NEK1: variants seen among roughly 807,000 people sequenced by gnomAD.
The protein encoded by NEK1 is serine/threonine-protein kinase Nek1.
NEK1 carries 137 observed loss-of-function variants against 182.1 expected under a neutral mutation model. The observed-to-expected ratio is 0.75, with a 90% CI of 0.65 to 0.87. The LOEUF is 0.87. NEK1 is among the 40% of genes least tolerant of loss of function. The pLI is 0.00. For missense variants in NEK1, 1,391 were observed against 1,494.4 expected (o/e 0.93, Z 1.14); for synonymous variants, 513 against 492.2 (o/e 1.04, Z -0.56).
At chr4:169,547,889 C>G (rs764982657) in intron 18 of NEK1, among the ~76,000 whole-genome samples, 2 of 152,160 alleles carry the variant, frequency 1.3e-5, no homozygotes, top group Non-Finnish European at 2.9e-5. Flanking sequence ...TCTCAAGGTT[C>G]TTAGCTTCCT....
intron 23 of NEK1, among the ~76,000 whole-genome samples, chr4:169,501,306 G>T (rs1032365437): frequency 6.6e-6 from 1 of 151,960 alleles, no homozygotes; most frequent in Non-Finnish European, 1.5e-5. Flanking sequence ...TACAATAATA[G>T]TGGACACTTT....
chr4:169,426,940 AG>A (rs1736502357), intron 29 of NEK1, among the ~76,000 whole-genome samples: 1 of 152,186 alleles, frequency 6.6e-6, no homozygotes, highest in African/African-American at 2.4e-5. Context: ...AAAATAAAAA[AG>A]AACTCACAAT....
At chr4:169,422,270 T>C (rs1274212193) in intron 31 of NEK1, among the ~76,000 whole-genome samples, 2 of 152,192 alleles carry the variant, frequency 1.3e-5, no homozygotes, top group Non-Finnish European at 2.9e-5. Context: ...AGATGCTTGG[T>C]TGCAAAAGGG....
intron 12 of NEK1, among the ~76,000 whole-genome samples, 160 bp from the exon 13 acceptor site, chr4:169,562,356 A>G (rs533444310): frequency 5.3e-5 from 8 of 152,118 alleles, no homozygotes; most frequent in African/African-American, 1.9e-4. Flanking sequence ...GTAGTCTTTG[A>G]TATGCTGTTA....
intron 4 of NEK1, among the ~76,000 whole-genome samples, chr4:169,600,794 C>A (rs1770361353): frequency 6.6e-6 from 1 of 152,120 alleles, no homozygotes; most frequent in Non-Finnish European, 1.5e-5. Flanking sequence ...ACTATGCTAT[C>A]ATTTATGTTT....
intron 31 of NEK1, among the ~76,000 whole-genome samples, chr4:169,424,144 C>G (rs1243967514): frequency 6.6e-6 from 1 of 152,066 alleles, no homozygotes; most frequent in Non-Finnish European, 1.5e-5. Flanking sequence ...GTCCGAAAAA[C>G]TTCTACCAGA....
Position 169,508,281 on chromosome 4 carries a change from G to A in NEK1, c.1800C>T (p.Arg600=), listed in dbSNP as rs918015857. The change falls in exon 21 of 36, where the codon CGC becomes CGT. Residue 600 remains arginine, a synonymous_variant. Transcript: ENST00000507142. ...RQIRLQNFNE[R]QQIKAKLRGE... is the part of the protein sequence containing the mutation. ...CACGAAGTTTGGCTTTAATCTGTTGGCGCTCATTGAAATTCTGTAGTCTTA... is the reference window on the plus strand; with the variant it reads ...CACGAAGTTTGGCTTTAATCTGTTGACGCTCATTGAAATTCTGTAGTCTTA... The A allele has an allele frequency of 1.3e-6, 2 of 1,594,844 alleles. No individual in the cohort carries two copies. Among genetic ancestry groups the A allele is most frequent in the Admixed American group, 1.8e-5 (1 of 56,776 alleles).
Position 169,479,476 on chromosome 4 carries a change from G to A in NEK1, c.2066C>T (p.Thr689Ile). Residue 689 changes from threonine (T) to isoleucine (I), a missense_variant, in exon 24 of 36, where the codon ACA (threonine) becomes ATA (isoleucine). Transcript: ENST00000507142. ...CTGTTGCTTTGATGGAGAGCCACCTGTTTCATGCTGTCCCAAAGGTGGAGA... is the reference window on the plus strand; with the variant it reads ...CTGTTGCTTTGATGGAGAGCCACCTATTTCATGCTGTCCCAAAGGTGGAGA... Reference protein sequence around the residue: ...DVSPPLGQHETGGSPSKQQMR... With the variant: ...DVSPPLGQHEIGGSPSKQQMR... 1.2e-6 allele frequency: 2 copies of A among 1,611,618 alleles called. No individual in the cohort carries two copies. The highest frequency in any genetic ancestry group is 1.7e-6 in the Non-Finnish European group (2 of 1,178,732).
Position 169,580,916 on chromosome 4 carries a change from A to G in NEK1, c.808-14T>C. ...TTCTGCAATAAGCTGAGATTGAAAG[A>G]GAAAAAAATTAGAAAAGATGTTACA... On this transcript the variant is annotated splice_polypyrimidine_tract_variant and intron_variant, in intron 10 of 35. Transcript: ENST00000507142. 1.4e-6 allele frequency: 2 copies of G among 1,440,448 alleles called. No homozygotes were observed. Among genetic ancestry groups the G allele is most frequent in the Non-Finnish European group, 1.9e-6 (2 of 1,062,976 alleles). The allele number at this position is 1,440,448 out of a possible 1,614,324, so 89.2% of individuals were successfully genotyped here.
intron 23 of NEK1, among the ~76,000 whole-genome samples, chr4:169,479,807 C>T (rs887233113): frequency 6.6e-6 from 1 of 152,032 alleles, no homozygotes; most frequent in African/African-American, 2.4e-5. Context: ...ATGAAATGAT[C>T]CTGAAAAACT....
At position 169,577,040 on chromosome 4, in the gene NEK1, A is replaced by C; in HGVS notation, c.908T>G (p.Met303Arg). Residue 303 changes from methionine to arginine, a missense_variant, in exon 12 of 36, where the codon ATG becomes AGG. Around this residue, in one of 5 missense-constraint regions of NEK1, gnomAD observed 1,216 missense variants for 1,277.6 expected, o/e 0.95. Coordinates refer to ENST00000507142, the MANE Select transcript of NEK1 (RefSeq NM_001199397.3). ...AGGCTTTGTAATTTTCTGAGCAGGC[A>C]TAACAGAAATCGAGTTTTGTCCTGA... Reference protein sequence around the residue: ...PASGQNSISVMPAQKITKPAA... With the variant: ...PASGQNSISVRPAQKITKPAA... 1 of 1,613,732 alleles carries C rather than the reference A, an allele frequency of 6.2e-7. No individual in the cohort carries two copies. Among genetic ancestry groups the C allele is most frequent in the Non-Finnish European group, 8.5e-7 (1 of 1,179,754 alleles).
At chr4:169,579,705 C>T (rs577105148) in intron 11 of NEK1, among the ~76,000 whole-genome samples, 71 of 151,672 alleles carry the variant, frequency 4.7e-4, no homozygotes, top group African/African-American at 1.7e-3. Context: ...AGGTGAATCC[C>T]TTGAACCCGG....
In NEK1 at chr4:169,463,400, A is replaced by G; in HGVS notation, c.2435-5T>C. 1.3e-6 allele frequency: 2 copies of G among 1,588,234 alleles called. No individual in the cohort carries two copies. Among genetic ancestry groups the G allele is most frequent in the Non-Finnish European group, 1.7e-6 (2 of 1,165,482 alleles). The stretch of plus-strand genomic sequence containing the variant: ...TAACTTCTCCCACTGTATGTCCTAT[A>G]AGAAAAATATACAAAGAAACAATTT... On this transcript the variant is annotated splice_region_variant and splice_polypyrimidine_tract_variant and intron_variant, in intron 26 of 35. Coordinates refer to ENST00000507142, the MANE Select transcript of NEK1 (RefSeq NM_001199397.3).
intron 31 of NEK1, among the ~76,000 whole-genome samples, chr4:169,412,072 TTTG>T (rs1396607238): frequency 6.6e-6 from 1 of 152,230 alleles, no homozygotes; most frequent in Non-Finnish European, 1.5e-5. Context: ...GCAGAGGATT[TTTG>T]TCTGTTTTCC....
chr4:169,496,871 T>C (rs1254476052), intron 23 of NEK1, among the ~76,000 whole-genome samples: 1 of 152,176 alleles, frequency 6.6e-6, no homozygotes, highest in Non-Finnish European at 1.5e-5. Context: ...TTCTCTTTTT[T>C]TGTTGTGTCT....
intron 31 of NEK1, among the ~76,000 whole-genome samples, chr4:169,413,453 C>G (rs1282064980): frequency 6.6e-6 from 1 of 152,090 alleles, no homozygotes; most frequent in Non-Finnish European, 1.5e-5. Flanking sequence ...AAATTTTATG[C>G]CACATTCCTC....
At position 169,399,735 on chromosome 4, in the gene NEK1, C is replaced by T. The variant is rs554538100; in HGVS notation, c.3847+490G>A. On this transcript the variant is annotated intron_variant, in intron 35 of 35. Coordinates refer to ENST00000507142, the MANE Select transcript of NEK1 (RefSeq NM_001199397.3). Reference sequence around the variant, plus strand: ...TCCTGGGCTCAAGCAATCCTCCCACCTCAGTCCCCTGAGTAGCTGGGACTA... The same window carrying T: ...TCCTGGGCTCAAGCAATCCTCCCACTTCAGTCCCCTGAGTAGCTGGGACTA... Among the ~76,000 whole-genome samples the T allele has an allele frequency of 3.0e-4, 46 of 152,206 alleles. 1 individual carries two copies. The highest frequency in any genetic ancestry group is 2.7e-3 in the Admixed American group (41 of 15,280).
At chr4:169,456,217 G>A (rs1202083331) in intron 27 of NEK1, among the ~76,000 whole-genome samples, 1 of 152,056 alleles carries the variant, frequency 6.6e-6, no homozygotes, top group Admixed American at 6.6e-5. Flanking sequence ...AGCAAAAGCA[G>A]TACTAAGACG....
chr4:169,536,392 T>C (rs1156318393), intron 19 of NEK1, among the ~76,000 whole-genome samples: 1 of 151,602 alleles, frequency 6.6e-6, no homozygotes, highest in African/African-American at 2.4e-5. Context: ...AGATACATTA[T>C]ATACCAAGGA....
Sources: allele counts gnomAD v4.1 joint callset (sites outside exome capture counted in the v4.1 genomes callset), GRCh38; gene constraint gnomAD v4.1.1; regional missense constraint gnomAD v4.1.1; transcripts MANE v1.5; gene names NCBI Gene and HGNC (gene_info 2026-07-23, HGNC 2026-07-21).